CDON: variants seen among roughly 807,000 people sequenced by gnomAD.
The protein encoded by CDON is cell adhesion associated, oncogene regulated, also known as cell adhesion molecule-related/down-regulated by oncogenes.
A neutral mutation model predicts 120.9 loss-of-function variants in CDON; 73 were observed. The ratio of observed to expected loss-of-function variants is 0.60; its 90% CI spans 0.50 to 0.73. The LOEUF (loss-of-function observed/expected upper bound fraction) is 0.73. Ranked by LOEUF, CDON falls within the 30% of genes least tolerant of loss-of-function variation. The probability of loss-of-function intolerance (pLI) is 0.00; values close to 1 mark genes in which losing one functional copy is unlikely to be tolerated. For synonymous variants in CDON, 566 were observed against 573.5 expected (o/e 0.99, Z 0.19); for missense variants, 1,470 against 1,587.3 (o/e 0.93, Z 1.26).
rs925793752 is a variant in CDON, at chr11:126,018,490, G to A, written c.497-17C>T. Reference sequence around the variant, plus strand: ...AGTAATTCTCTGAGGAAGGAAGGGAGTGCAGTTAGGCCTCTCCCTTTATGA... The same window carrying A: ...AGTAATTCTCTGAGGAAGGAAGGGAATGCAGTTAGGCCTCTCCCTTTATGA... On this transcript the variant is annotated splice_polypyrimidine_tract_variant and intron_variant, in intron 4 of 19. Coordinates refer to ENST00000531738, the MANE Select transcript of CDON (RefSeq NM_001378964.1). 2 of 1,611,720 alleles carry A rather than the reference G, an allele frequency of 1.2e-6. No individual in the cohort carries two copies. The highest frequency in any genetic ancestry group is 1.3e-5 in the African/African-American group (1 of 74,886).
At position 125,962,154 on chromosome 11, in the gene CDON, T is replaced by C. The variant is rs140364205; in HGVS notation, c.3357-156A>G. On this transcript the variant is annotated intron_variant, in intron 18 of 19. Transcript: ENST00000531738. ...CTAAATGATTCACTATGATTTGAAA[T>C]ACTGAGAATTTCAAAATGATAGTGA... 3.2e-3 allele frequency among the ~76,000 whole-genome samples: 488 copies of C among 152,328 alleles called. 6 individuals carry two copies. The highest frequency in any genetic ancestry group is 0.016 in the Admixed American group (241 of 15,302).
intron 11 of CDON, 78 bp downstream of exon 11, chr11:126,001,641 C>G: frequency 8.0e-7 from 1 of 1,252,722 alleles, no homozygotes; most frequent in East Asian, 2.3e-5. Context: ...AACAAACACC[C>G]TATTCCACCC....
At chr11:125,992,621 CA>C (rs1946663678) in intron 14 of CDON, among the ~76,000 whole-genome samples, 1 of 152,062 alleles carries the variant, frequency 6.6e-6, no homozygotes, top group South Asian at 2.1e-4. Flanking sequence ...TTCCCTCATT[CA>C]AAAAATATTT....
intron 12 of CDON, among the ~76,000 whole-genome samples, chr11:125,996,899 T>C (rs1173801778): frequency 6.6e-6 from 1 of 151,916 alleles, no homozygotes; most frequent in African/African-American, 2.4e-5. Context: ...ATCTGCCAGG[T>C]GCTATGGCTC....
chr11:126,057,460 G>C (rs941879386), intron 1 of CDON, among the ~76,000 whole-genome samples: 1 of 152,162 alleles, frequency 6.6e-6, no homozygotes, highest in Non-Finnish European at 1.5e-5. Flanking sequence ...ACATACTGTA[G>C]GAGTCCATGT....
chr11:125,971,591 C>T (rs544019673), intron 18 of CDON, among the ~76,000 whole-genome samples: 3 of 152,124 alleles, frequency 2.0e-5, no homozygotes, highest in East Asian at 3.9e-4. Context: ...TCTAAAGCAC[C>T]GTTCCCAGTA....
chr11:125,965,054 G>A (rs534071792), intron 18 of CDON, among the ~76,000 whole-genome samples: 1 of 152,188 alleles, frequency 6.6e-6, no homozygotes, highest in African/African-American at 2.4e-5. Context: ...AGCCTCCCAA[G>A]TCACTGGGAT....
chr11:125,967,301 A>G (rs1945832113), intron 18 of CDON, among the ~76,000 whole-genome samples: 1 of 152,276 alleles, frequency 6.6e-6, no homozygotes, highest in Non-Finnish European at 1.5e-5. Flanking sequence ...CCAAGCACAT[A>G]GAAAATGACA....
chr11:126,052,360 A>C (rs182502978), intron 1 of CDON, among the ~76,000 whole-genome samples: 1 of 152,328 alleles, frequency 6.6e-6, no homozygotes, highest in Admixed American at 6.5e-5. Flanking sequence ...AATTTTCAAT[A>C]AACAGAAATC....
At chr11:126,021,143 A>G in intron 3 of CDON, 105 bp downstream of exon 3, 2 of 1,224,472 alleles carry the variant, frequency 1.6e-6, no homozygotes, top group Non-Finnish European at 2.3e-6. Context: ...AAAAACTCCT[A>G]TATGCTTTAC....
intron 8 of CDON, among the ~76,000 whole-genome samples, chr11:126,008,684 G>C (rs1361446286): frequency 6.6e-6 from 1 of 152,134 alleles, no homozygotes; most frequent in Admixed American, 6.5e-5. Context: ...AGGAGCTCCT[G>C]CAACTACACC....
chr11:125,961,648 G>A (rs530779423), intron 19 of CDON, 76 bp downstream of exon 19: 1 of 1,594,720 alleles, frequency 6.3e-7, no homozygotes, highest in South Asian at 1.1e-5. Flanking sequence ...AACTCTGAAA[G>A]CATCACCTTC....
rs148961337 is a variant in CDON at position 126,006,246 on chromosome 11, G to A, written c.1553-189C>T. ...TCTAATTGCAATCTTTTCTCATGGT[G>A]GAGCAAATGAATTACTTGAAAAACC... On this transcript the variant is annotated intron_variant, in intron 8 of 19. Transcript: ENST00000531738. Among the ~76,000 whole-genome samples, 18 of 152,274 alleles carry A rather than the reference G, an allele frequency of 1.2e-4. No homozygotes were observed. In the East Asian group the frequency reaches 1.9e-3, roughly 16 times the overall value.
intron 17 of CDON, 137 bp downstream of exon 17, chr11:125,980,912 G>T: frequency 1.2e-6 from 1 of 803,154 alleles, no homozygotes; most frequent in Non-Finnish European, 2.1e-6. Flanking sequence ...TCAAAGGGCT[G>T]CCAGTGATCC....
chr11:125,989,304 G>A (rs540219821), intron 15 of CDON, among the ~76,000 whole-genome samples: 58 of 152,282 alleles, frequency 3.8e-4, no homozygotes, highest in African/African-American at 1.3e-3. Flanking sequence ...GGGAAGCCCA[G>A]GTGGGTACAT....
intron 9 of CDON, among the ~76,000 whole-genome samples, chr11:126,005,106 T>G (rs1311792983): frequency 2.0e-5 from 3 of 152,096 alleles, no homozygotes; most frequent in African/African-American, 7.2e-5. Flanking sequence ...TCAAGACCAG[T>G]CTGGCTAATA....
intron 17 of CDON, among the ~76,000 whole-genome samples, chr11:125,979,324 A>T (rs2134433692): frequency 6.6e-6 from 1 of 152,336 alleles, no homozygotes; most frequent in Admixed American, 6.5e-5. Flanking sequence ...AGTGTTTCTG[A>T]TCCAACCAGC....
chr11:125,962,108 AAG>A, intron 18 of CDON, 110 bp from the exon 19 acceptor site: 1 of 843,896 alleles, frequency 1.2e-6, no homozygotes, highest in Non-Finnish European at 2.0e-6. Flanking sequence ...ACTCTTAAGA[AAG>A]AGTGATGCTT....
chr11:125,960,613 T>C lies in CDON; in HGVS notation c.*329A>G, dbSNP rs1002368749. The C allele has an allele frequency of 3.1e-6, 1 of 323,912 alleles. No individual in the cohort carries two copies. Among genetic ancestry groups the C allele is most frequent in the Non-Finnish European group, 5.8e-6 (1 of 173,510 alleles). The allele number at this position is 323,912 out of a possible 1,614,324, so 20.1% of individuals were successfully genotyped here. A position where few individuals can be genotyped will look rare whatever the true frequency, so the allele number is the denominator to read the frequency against. ...CCTCCTAGCCGAAGCAGCCAAGAGA[T>C]GGGATCCTTTGCATGAGGAGCTCTT... On this transcript the variant is annotated 3_prime_UTR_variant, in exon 20 of 20. Coordinates refer to ENST00000531738, the MANE Select transcript of CDON (RefSeq NM_001378964.1).
Sources: allele counts gnomAD v4.1 joint callset (sites outside exome capture counted in the v4.1 genomes callset), GRCh38; gene constraint gnomAD v4.1.1; transcripts MANE v1.5; gene names NCBI Gene and HGNC (gene_info 2026-07-23, HGNC 2026-07-21).